FHIT: variants seen among roughly 807,000 people sequenced by gnomAD.
The protein encoded by FHIT is fragile histidine triad diadenosine triphosphatase.
In FHIT, 19 loss-of-function variants were observed where a neutral mutation model predicts 17.9. The ratio of observed to expected loss-of-function variants is 1.06; its 90% confidence interval spans 0.74 to 1.56. The LOEUF is 1.56. Ranked by LOEUF, FHIT falls within the 40% of genes most tolerant of loss-of-function variation. The pLI is 0.00. For missense variants in FHIT, 248 were observed against 189.2 expected (o/e 1.31, Z -1.82); for synonymous variants, 81 against 69.7 (o/e 1.16, Z -0.81).
chr3:60,436,603 C>T (rs1251684454), intron 5 of FHIT, among the ~76,000 whole-genome samples: 2 of 152,026 alleles, frequency 1.3e-5, no homozygotes, highest in Non-Finnish European at 2.9e-5. Context: ...GATGTGTACA[C>T]CATTCTTCAT....
chr3:60,613,390 G>A (rs2038845437), intron 4 of FHIT, among the ~76,000 whole-genome samples: 1 of 152,166 alleles, frequency 6.6e-6, no homozygotes, highest in Non-Finnish European at 1.5e-5. Flanking sequence ...TGAGAGATGG[G>A]CTGGGGAGTA....
intron 7 of FHIT, among the ~76,000 whole-genome samples, chr3:59,949,080 T>A (rs955699936): frequency 1.3e-5 from 2 of 152,208 alleles, no homozygotes; most frequent in African/African-American, 2.4e-5. Context: ...GTCTATATTG[T>A]TACCATCTTT....
chr3:59,757,587 T>C (rs1701285325), intron 8 of FHIT, among the ~76,000 whole-genome samples: 1 of 152,204 alleles, frequency 6.6e-6, no homozygotes. Context: ...ATAATTTAAA[T>C]GTTTTTCAGA....
Position 60,093,265 on chromosome 3 carries a change from T to C in FHIT, c.104-79113A>G, listed in dbSNP as rs139780422. Reference sequence around the variant, plus strand: ...TTCCAGAGGCTTCTTTTCCAGTTTCTAGAGTCCAACTACATTCCTTGGCTC... The same window carrying C: ...TTCCAGAGGCTTCTTTTCCAGTTTCCAGAGTCCAACTACATTCCTTGGCTC... On this transcript the variant is annotated intron_variant, in intron 5 of 9. Coordinates refer to ENST00000492590, the MANE Select transcript of FHIT (RefSeq NM_002012.4). Among the ~76,000 whole-genome samples the C allele has an allele frequency of 1.9e-3, 282 of 152,298 alleles. 1 individual carries two copies. Among genetic ancestry groups the C allele is most frequent in the African/African-American group, 6.5e-3 (272 of 41,568 alleles).
At chr3:59,796,299 C>T (rs544087780) in intron 8 of FHIT, among the ~76,000 whole-genome samples, 13 of 152,122 alleles carry the variant, frequency 8.5e-5, no homozygotes, top group Non-Finnish European at 1.6e-4. Flanking sequence ...GACCCATTTG[C>T]GGGTCTCTAG....
Position 61,088,553 on chromosome 3 carries a change from GC to G in FHIT, c.-163-46455del, listed in dbSNP as rs2035375431. Among the ~76,000 whole-genome samples, 6 of 152,184 alleles carry G rather than the reference GC, an allele frequency of 3.9e-5. No individual in the cohort carries two copies. In the South Asian group the frequency reaches 1.2e-3, roughly 32 times the overall value. On this transcript the variant is annotated intron_variant, in intron 2 of 9. Coordinates refer to ENST00000492590, the MANE Select transcript of FHIT (RefSeq NM_002012.4). ...ATAGATGTAAACTTCAAAAAATTTTGCAAGGCAAGTCATCAAAATCTGGGAG... is the reference window on the plus strand; with the variant it reads ...ATAGATGTAAACTTCAAAAAATTTTGAAGGCAAGTCATCAAAATCTGGGAG...
At chr3:60,565,441 A>G (rs902349257) in intron 4 of FHIT, among the ~76,000 whole-genome samples, 1 of 152,214 alleles carries the variant, frequency 6.6e-6, no homozygotes, top group African/African-American at 2.4e-5. Flanking sequence ...TTAATGGAGA[A>G]TGCTATAACA....
chr3:61,090,299 C>G (rs527426095), intron 2 of FHIT, among the ~76,000 whole-genome samples: 62 of 152,180 alleles, frequency 4.1e-4, no homozygotes, highest in African/African-American at 1.3e-3. Context: ...TTCAAAATTC[C>G]AAGAACCCAT....
At chr3:60,477,010 G>T (rs552119400) in intron 5 of FHIT, among the ~76,000 whole-genome samples, 2 of 151,906 alleles carry the variant, frequency 1.3e-5, no homozygotes, top group African/African-American at 4.8e-5. Flanking sequence ...GTTTAAGTAC[G>T]TATATACAGT....
At chr3:60,721,340 C>G (rs916044603) in intron 4 of FHIT, among the ~76,000 whole-genome samples, 2 of 152,182 alleles carry the variant, frequency 1.3e-5, no homozygotes, top group Non-Finnish European at 2.9e-5. Context: ...ATGTCTCACT[C>G]ATTTTGAACT....
chr3:60,493,291 T>C (rs534265522), intron 5 of FHIT, among the ~76,000 whole-genome samples: 1 of 152,322 alleles, frequency 6.6e-6, no homozygotes, highest in South Asian at 2.1e-4. Flanking sequence ...CTGTAGATGG[T>C]AGGCATTTTC....
rs369003930 is a variant in FHIT, at chr3:60,908,219, G to A, written c.-110-86208C>T. On this transcript the variant is annotated intron_variant, in intron 3 of 9. Coordinates refer to ENST00000492590, the MANE Select transcript of FHIT (RefSeq NM_002012.4). ...AATTCTGGGGTGGCATGGAGTGGGG[G>A]TGTTAAATTTTACAAACACAGCATC... 2.6e-4 allele frequency among the ~76,000 whole-genome samples: 40 copies of A among 152,222 alleles called. No homozygotes were observed. In the East Asian group the frequency reaches 6.4e-3, roughly 24 times the overall value.
chr3:60,624,903 T>G (rs2097246), intron 4 of FHIT, among the ~76,000 whole-genome samples: 22,877 of 149,960 alleles, frequency 0.15, 1,887 homozygotes, highest in African/African-American at 0.2. Flanking sequence ...TAGTTTTTTT[T>G]TTTGTTTGTT....
chr3:59,843,763 C>G lies in FHIT; in HGVS notation c.348+78583G>C, dbSNP rs1486550858. ...TGCTTTGTTGAATTCATTTATTACT[C>G]CTTACAGATTTTTTTTTTTGGTGGA... On this transcript the variant is annotated intron_variant, in intron 8 of 9. Transcript: ENST00000492590. Among the ~76,000 whole-genome samples the G allele has an allele frequency of 7.3e-5, 11 of 151,602 alleles. No individual in the cohort carries two copies. The East Asian group carries it at 2.1e-3, about 29-fold the overall frequency.
intron 2 of FHIT, among the ~76,000 whole-genome samples, chr3:61,068,263 G>A (rs2034681443): frequency 6.6e-6 from 1 of 152,198 alleles, no homozygotes; most frequent in Admixed American, 6.5e-5. Flanking sequence ...CTCTAAGGAA[G>A]AATGTTTCCT....
chr3:60,237,066 G>C (rs1704835045), intron 5 of FHIT, among the ~76,000 whole-genome samples: 1 of 151,894 alleles, frequency 6.6e-6, no homozygotes, highest in Admixed American at 6.6e-5. Context: ...CATTCCCATG[G>C]TGACTAAAAT....
intron 5 of FHIT, among the ~76,000 whole-genome samples, chr3:60,364,496 T>TA (rs2107018953): frequency 6.6e-6 from 1 of 152,324 alleles, no homozygotes; most frequent in African/African-American, 2.4e-5. Context: ...ATGCAGTAGG[T>TA]AAAACAAATG....
intron 5 of FHIT, among the ~76,000 whole-genome samples, chr3:60,282,865 G>T (rs1355410332): frequency 6.6e-6 from 1 of 152,102 alleles, no homozygotes; most frequent in Non-Finnish European, 1.5e-5. Flanking sequence ...TTTCAAACAA[G>T]TAGGAAGATT....
chr3:60,644,141 T>C (rs1291174229), intron 4 of FHIT, among the ~76,000 whole-genome samples: 1 of 152,216 alleles, frequency 6.6e-6, no homozygotes, highest in African/African-American at 2.4e-5. Flanking sequence ...GGCCATATTT[T>C]AGGAAATGCT....
Sources: allele counts gnomAD v4.1 joint callset (sites outside exome capture counted in the v4.1 genomes callset), GRCh38; gene constraint gnomAD v4.1.1; transcripts MANE v1.5; gene names NCBI Gene and HGNC (gene_info 2026-07-23, HGNC 2026-07-21).